Variants in CPNE4 observed in about 807,000 individuals in gnomAD.
CPNE4 encodes copine 4, also known as copine-4.
In CPNE4, 25 loss-of-function variants were observed where a neutral mutation model predicts 67.9. The ratio of observed to expected loss-of-function variants is 0.37; its 90% confidence interval spans 0.27 to 0.51. The LOEUF is 0.51. CPNE4 is among the 20% of genes least tolerant of loss of function. The probability of loss-of-function intolerance (pLI) is 0.93; values close to 1 mark genes in which losing one functional copy is unlikely to be tolerated. For missense variants in CPNE4, 464 were observed against 690.8 expected, an observed-to-expected ratio of 0.67 and a Z score of 3.68; for synonymous variants, 242 against 244.9, an observed-to-expected ratio of 0.99 and a Z score of 0.11.
intron 2 of CPNE4, among the ~76,000 whole-genome samples, chr3:131,788,727 T>C (rs2083630252): frequency 6.6e-6 from 1 of 152,076 alleles, no homozygotes; most frequent in Non-Finnish European, 1.5e-5. Context: ...CCAATTACTG[T>C]GCAGCGATTA....
Position 131,894,562 on chromosome 3 carries a change from T to C in CPNE4, c.180+10702A>G, listed in dbSNP as rs184507355. Among the ~76,000 whole-genome samples the C allele has an allele frequency of 1.7e-3, 254 of 151,892 alleles. 1 individual carries two copies. The Middle Eastern group carries it at 0.027, about 16-fold the overall frequency. ...ATTTAAAAATGAACAAAGACTTAAA[T>C]AGACATTTCTCAAAAGAAGACATAC... On this transcript the variant is annotated intron_variant, in intron 2 of 15. Coordinates refer to ENST00000429747, the MANE Select transcript of CPNE4 (RefSeq NM_130808.3).
At chr3:131,600,576 G>A (rs532652252) in intron 7 of CPNE4, among the ~76,000 whole-genome samples, 2 of 152,124 alleles carry the variant, frequency 1.3e-5, no homozygotes, top group Non-Finnish European at 2.9e-5. Context: ...AAATGAGTTT[G>A]TGCACAGTCA....
chr3:131,795,154 A>G (rs1186078573), intron 2 of CPNE4, among the ~76,000 whole-genome samples: 1 of 152,160 alleles, frequency 6.6e-6, no homozygotes, highest in Non-Finnish European at 1.5e-5. Context: ...AAAAATCTAG[A>G]GCTCTTTCCG....
At chr3:131,941,581 T>C (rs2071389491) in intron 1 of CPNE4, among the ~76,000 whole-genome samples, 1 of 152,082 alleles carries the variant, frequency 6.6e-6, no homozygotes, top group South Asian at 2.1e-4. Context: ...AAAAAAATCA[T>C]GCCATGCAGC....
intron 2 of CPNE4, among the ~76,000 whole-genome samples, chr3:131,865,913 T>A (rs2086925127): frequency 6.6e-6 from 1 of 152,202 alleles, no homozygotes; most frequent in African/African-American, 2.4e-5. Flanking sequence ...CTGACACTTC[T>A]ATGGGGAGCT....
At chr3:131,896,540 A>C (rs1422761896) in intron 2 of CPNE4, among the ~76,000 whole-genome samples, 2 of 152,170 alleles carry the variant, frequency 1.3e-5, no homozygotes, top group African/African-American at 2.4e-5. Context: ...AGAGTAAAAA[A>C]AATAATTGCA....
intron 1 of CPNE4, among the ~76,000 whole-genome samples, chr3:131,995,891 C>T (rs770127568): frequency 1.3e-5 from 2 of 152,102 alleles, no homozygotes; most frequent in African/African-American, 4.8e-5. Context: ...GGAAGAGCTC[C>T]GAACTTGCAG....
At chr3:131,716,639 C>T (rs1220591276) in intron 3 of CPNE4, among the ~76,000 whole-genome samples, 1 of 152,186 alleles carries the variant, frequency 6.6e-6, no homozygotes, top group Admixed American at 6.5e-5. Flanking sequence ...CCCATCATTT[C>T]CTAGATTCTT....
At chr3:131,959,966 A>T (rs564142407) in intron 1 of CPNE4, among the ~76,000 whole-genome samples, 1 of 152,358 alleles carries the variant, frequency 6.6e-6, no homozygotes, top group Admixed American at 6.5e-5. Context: ...AATATGTCAT[A>T]CTTCTAGGTG....
chr3:131,930,213 C>T (rs969573920), intron 1 of CPNE4, among the ~76,000 whole-genome samples: 20 of 151,872 alleles, frequency 1.3e-4, no homozygotes, highest in African/African-American at 3.6e-4. Flanking sequence ...GATGGCACAC[C>T]GAAATTAGGA....
At chr3:131,688,853 TTTTC>T (rs1365145845) in intron 5 of CPNE4, among the ~76,000 whole-genome samples, 1 of 69,662 alleles carries the variant, frequency 1.4e-5, no homozygotes, top group Non-Finnish European at 5.1e-5. Context: ...CTACATATAC[TTTTC>T]TGTCTTTCTT....
intron 1 of CPNE4, among the ~76,000 whole-genome samples, chr3:131,917,497 G>A (rs994708628): frequency 6.6e-6 from 1 of 151,924 alleles, no homozygotes; most frequent in Admixed American, 6.6e-5. Context: ...CTACAGACAT[G>A]GAAGGAGTGG....
chr3:131,540,978 G>A (rs1045006387), intron 15 of CPNE4, among the ~76,000 whole-genome samples: 3 of 152,166 alleles, frequency 2.0e-5, no homozygotes, highest in Admixed American at 6.5e-5. Flanking sequence ...GGTACTGAAG[G>A]TTCTGAAGAT....
chr3:131,969,766 T>C (rs2072454686), intron 1 of CPNE4, among the ~76,000 whole-genome samples: 1 of 152,220 alleles, frequency 6.6e-6, no homozygotes, highest in Admixed American at 6.5e-5. Flanking sequence ...AAATGACATG[T>C]ATATGCTTGG....
chr3:132,017,934 C>T lies in CPNE4; in HGVS notation c.-2+16633G>A, dbSNP rs181893248. ...GCACACAGCCATGCCTCCCTCACTG[C>T]CAACTCCCTGAGGCGCTGCTATCAC... is the stretch of plus-strand genomic sequence containing the variant. On this transcript the variant is annotated intron_variant, in intron 1 of 15. Transcript: ENST00000429747. Among the ~76,000 whole-genome samples the T allele has an allele frequency of 6.1e-3, 929 of 152,270 alleles. 6 individuals are homozygous for T. Among genetic ancestry groups the T allele is most frequent in the Admixed American group, 9.4e-3 (144 of 15,294 alleles).
chr3:131,912,946 T>G (rs1351955883), intron 1 of CPNE4, among the ~76,000 whole-genome samples: 1 of 152,120 alleles, frequency 6.6e-6, no homozygotes, highest in Non-Finnish European at 1.5e-5. Flanking sequence ...CAAGCATCTA[T>G]AAAACAAGGC....
intron 2 of CPNE4, among the ~76,000 whole-genome samples, chr3:131,803,610 GC>G (rs2084209085): frequency 6.6e-6 from 1 of 152,108 alleles, no homozygotes; most frequent in Non-Finnish European, 1.5e-5. Flanking sequence ...ATGTTGTTAG[GC>G]ACCTACTTTG....
chr3:131,587,639 G>T, intron 7 of CPNE4, 57 bp from the exon 8 acceptor site: 4 of 1,248,126 alleles, frequency 3.2e-6, no homozygotes, highest in Non-Finnish European at 4.7e-6. Flanking sequence ...CACAGCAGCT[G>T]AAGGCAATGT....
intron 9 of CPNE4, among the ~76,000 whole-genome samples, chr3:131,577,518 C>CAACTGT (rs1053290065): frequency 2.0e-4 from 30 of 152,186 alleles, no homozygotes; most frequent in African/African-American, 6.3e-4. Context: ...ATATTGTAAG[C>CAACTGT]AACTGTAACA....
Sources: allele counts gnomAD v4.1 joint callset (sites outside exome capture counted in the v4.1 genomes callset), GRCh38; gene constraint gnomAD v4.1.1; transcripts MANE v1.5; gene names NCBI Gene and HGNC (gene_info 2026-07-23, HGNC 2026-07-21).